VPS13D: variants seen among roughly 807,000 people sequenced by gnomAD.
VPS13D encodes the protein vacuolar protein sorting 13 homolog D.
A neutral mutation model predicts 461.9 loss-of-function variants in VPS13D; 187 were observed. The observed-to-expected ratio is 0.40, with a 90% CI of 0.36 to 0.46. VPS13D has a LOEUF of 0.46. Ranked by LOEUF, VPS13D falls within the 20% of genes least tolerant of loss-of-function variation. The pLI is 0.60. For synonymous variants in VPS13D, 1,951 were observed against 1,986.3 expected (o/e 0.98, Z 0.47); for missense variants, 4,711 against 5,364.9 (o/e 0.88, Z 3.81).
rs1644231193 is a variant in VPS13D, at chr1:12,378,462, C to T, written c.10952C>T (p.Thr3651Ile). ...PGKRSQLWRM[T>I]GTGMLAHEGS... Reference sequence around the variant, plus strand: ...AAGCGTTCTCAGCTGTGGAGGATGACAGGAACAGGAATGCTGGCCCATGAG... The same window carrying T: ...AAGCGTTCTCAGCTGTGGAGGATGATAGGAACAGGAATGCTGGCCCATGAG... Residue 3651 changes from threonine to isoleucine, a missense_variant, in exon 56 of 70, where the codon ACA (threonine) becomes ATA (isoleucine). This residue lies in a region of VPS13D where 4,411 missense variants were observed against 4,937.8 expected (regional missense o/e 0.89). Coordinates refer to ENST00000620676, the MANE Select transcript of VPS13D (RefSeq NM_015378.4). The T allele has an allele frequency of 6.2e-7, 1 of 1,610,860 alleles. No homozygotes were observed. Among genetic ancestry groups the T allele is most frequent in the Non-Finnish European group, 8.5e-7 (1 of 1,178,748 alleles).
chr1:12,304,683 G>T lies in VPS13D; in HGVS notation c.6394G>T (p.Gly2132Trp), dbSNP rs1642513555. ...GCCCAGTACCTCCACCAAGCAGCAA[G>T]GGCCGCAACCCACACTGTCTGTTGG... Reference protein sequence around the residue: ...FVPSTSTKQQGPQPTLSVGQE... With the variant: ...FVPSTSTKQQWPQPTLSVGQE... The change falls in exon 26 of 70, where the codon GGG becomes TGG. Residue 2132 changes from glycine (G) to tryptophan (W), a missense_variant. Physicochemically the swap from Gly to Trp is radical, Grantham distance 184. This residue lies in a region of VPS13D where 4,411 missense variants were observed against 4,937.8 expected (regional missense o/e 0.89). Coordinates refer to ENST00000620676, the MANE Select transcript of VPS13D (RefSeq NM_015378.4). The T allele has an allele frequency of 6.2e-7, 1 of 1,613,842 alleles. No individual in the cohort carries two copies. The highest frequency in any genetic ancestry group is 1.3e-5 in the African/African-American group (1 of 74,864).
intron 32 of VPS13D, 81 bp from the exon 33 acceptor site, chr1:12,321,728 T>G: frequency 1.3e-3 from 1,730 of 1,334,202 alleles, no homozygotes; most frequent in Non-Finnish European, 1.6e-3. Flanking sequence ...TGACTGCTTC[T>G]GAGATAGCCT....
intron 1 of VPS13D, among the ~76,000 whole-genome samples, chr1:12,232,782 T>C (rs1569607858): frequency 6.6e-6 from 1 of 151,874 alleles, no homozygotes; most frequent in Admixed American, 6.6e-5. Context: ...CTAAGATTGT[T>C]CATTGTATCA....
chr1:12,280,892 AATT>A (rs1641756781), intron 20 of VPS13D, among the ~76,000 whole-genome samples: 4 of 152,188 alleles, frequency 2.6e-5, no homozygotes, highest in Non-Finnish European at 1.5e-5. Flanking sequence ...TAATTAAGAT[AATT>A]ATTTGAATTC....
At chr1:12,340,768 C>A (rs1176079687) in intron 40 of VPS13D, among the ~76,000 whole-genome samples, 1 of 152,224 alleles carries the variant, frequency 6.6e-6, no homozygotes, top group East Asian at 1.9e-4. Context: ...TGAGCCACAC[C>A]TCCCTTTTTT....
At chr1:12,472,582 TTTTCA>T (rs1490276836) in intron 67 of VPS13D, among the ~76,000 whole-genome samples, 1 of 152,224 alleles carries the variant, frequency 6.6e-6, no homozygotes, top group African/African-American at 2.4e-5. Flanking sequence ...GTCCATCTGC[TTTTCA>T]GCTTCTAAAA....
At chr1:12,462,451 T>C (rs545211120) in intron 67 of VPS13D, among the ~76,000 whole-genome samples, 1 of 152,374 alleles carries the variant, frequency 6.6e-6, no homozygotes, top group African/African-American at 2.4e-5. Flanking sequence ...GCATTGTCTT[T>C]GTGCCTCCAC....
At chr1:12,441,280 G>A (rs1474126193) in intron 65 of VPS13D, among the ~76,000 whole-genome samples, 1 of 152,140 alleles carries the variant, frequency 6.6e-6, no homozygotes, top group East Asian at 1.9e-4. Context: ...TATGAAATGG[G>A]GATGGAGTTG....
intron 67 of VPS13D, among the ~76,000 whole-genome samples, chr1:12,481,612 T>C (rs964753461): frequency 3.9e-5 from 6 of 152,184 alleles, no homozygotes; most frequent in African/African-American, 1.4e-4. Context: ...CCTTCTCTTT[T>C]ATTTTTTGAT....
chr1:12,258,697 GCTT>G (rs947576081), intron 10 of VPS13D, among the ~76,000 whole-genome samples: 9 of 152,184 alleles, frequency 5.9e-5, no homozygotes, highest in African/African-American at 2.2e-4. Flanking sequence ...GGATTGCTTT[GCTT>G]CTTGTTTTAT....
chr1:12,267,143 C>G (rs760322178), intron 14 of VPS13D, 132 bp downstream of exon 14: 26 of 1,040,028 alleles, frequency 2.5e-5, no homozygotes, highest in Non-Finnish European at 3.4e-5. Context: ...AGAAAAGTTT[C>G]TTGAAATTGT....
At chr1:12,400,956 G>GCACACACACACA in intron 61 of VPS13D, among the ~76,000 whole-genome samples, 1 of 38,888 alleles carries the variant, frequency 2.6e-5, no homozygotes, top group East Asian at 4.4e-4. Context: ...GTGCACCTGC[G>GCACACACACACA]CGCGCGCACA....
At chr1:12,308,680 C>G (rs768913390) in intron 27 of VPS13D, 39 bp downstream of exon 27, 6 of 1,592,462 alleles carry the variant, frequency 3.8e-6, no homozygotes, top group South Asian at 1.1e-5. Flanking sequence ...GAGTCTCGCT[C>G]TGTTCACCAG....
chr1:12,245,842 C>T (rs1166649797), intron 5 of VPS13D, among the ~76,000 whole-genome samples: 1 of 152,240 alleles, frequency 6.6e-6, no homozygotes, highest in African/African-American at 2.4e-5. Flanking sequence ...GTAGACATTT[C>T]ATCTAAATGG....
At chr1:12,417,131 T>C (rs909769355) in intron 65 of VPS13D, among the ~76,000 whole-genome samples, 1 of 152,132 alleles carries the variant, frequency 6.6e-6, no homozygotes, top group Non-Finnish European at 1.5e-5. Context: ...CCCCTACACC[T>C]TTCACTGTGC....
At chr1:12,491,348 T>C (rs1431528083) in intron 67 of VPS13D, among the ~76,000 whole-genome samples, 4 of 152,078 alleles carry the variant, frequency 2.6e-5, no homozygotes, top group African/African-American at 9.7e-5. Flanking sequence ...ATGACAGACT[T>C]CTCAACCAAA....
intron 65 of VPS13D, among the ~76,000 whole-genome samples, chr1:12,445,935 G>A (rs1406325550): frequency 6.6e-6 from 1 of 152,176 alleles, no homozygotes; most frequent in African/African-American, 2.4e-5. Flanking sequence ...CATGACACTT[G>A]TGTATAAATA....
In VPS13D at chr1:12,365,427, C is replaced by T. The variant is rs145353361; in HGVS notation, c.10448+2180C>T. On this transcript the variant is annotated intron_variant, in intron 52 of 69. Coordinates refer to ENST00000620676, the MANE Select transcript of VPS13D (RefSeq NM_015378.4). ...GTGTCTTTAGTTTCTTTCATCAGGC[C>T]GGGCATGGTGGCTCACGCCTGTAAT... Among the ~76,000 whole-genome samples the T allele has an allele frequency of 4.1e-4, 63 of 152,264 alleles. No homozygotes were observed. The East Asian group carries it at 6.0e-3, about 14-fold the overall frequency.
In VPS13D at chr1:12,277,502, T is replaced by C; in HGVS notation, c.3914T>C (p.Leu1305Ser). The C allele has an allele frequency of 6.2e-7, 1 of 1,614,156 alleles. No individual in the cohort carries two copies. The highest frequency in any genetic ancestry group is 8.5e-7 in the Non-Finnish European group (1 of 1,180,028). ...HSAKFLKELT[L>S]SMDELEENFR... The stretch of plus-strand genomic sequence containing the variant: ...GCTAAGTTTTTGAAGGAGTTGACGT[T>C]ATCCATGGATGAACTGGAAGAAAAT... The change falls in exon 19 of 70, where the codon TTA (leucine) becomes TCA (serine). Residue 1305 changes from leucine to serine, a missense_variant. By Grantham distance (145) the Leu-to-Ser change is moderately radical. Transcript: ENST00000620676.
Sources: gnomAD v4.1 joint callset for allele counts (sites outside exome capture counted in the v4.1 genomes callset) on GRCh38, gnomAD v4.1.1 for gene constraint, gnomAD v4.1.1 regional missense constraint, MANE v1.5 for transcripts, NCBI Gene and HGNC (gene_info 2026-07-23, HGNC 2026-07-21) for gene names.